The following CA5B variants were observed in gnomAD, a reference collection of about 807,000 sequenced individuals.
CA5B encodes carbonic anhydrase 5B.
In CA5B, 15 loss-of-function variants were observed where a neutral mutation model predicts 23.1. The ratio of observed to expected loss-of-function variants is 0.65; its 90% CI spans 0.43 to 1.00. The LOEUF (loss-of-function observed/expected upper bound fraction) is 1.00, where lower values mean the gene tolerates loss of function less well. Among genes scored for constraint, CA5B ranks in the 50% least tolerant of loss-of-function variants. The pLI is 0.00. For synonymous variants in CA5B, 84 were observed against 98.5 expected, an observed-to-expected ratio of 0.85 and a Z score of 0.87; for missense variants, 236 against 252.2, an observed-to-expected ratio of 0.94 and a Z score of 0.43.
intron 4 of CA5B, among the ~76,000 whole-genome samples, chrX:15,773,097 A>T (rs1343758160): frequency 8.9e-6 from 1 of 111,788 alleles, no homozygotes; most frequent in Non-Finnish European, 1.9e-5. Flanking sequence ...AGGCTGGGTG[A>T]TAATGCACTC....
intron 3 of CA5B, chrX:15,765,303 C>A: frequency 2.6e-6 from 1 of 389,769 alleles, no homozygotes; most frequent in Non-Finnish European, 3.3e-6. Flanking sequence ...AACAGTGTTA[C>A]CTACCTAGTT....
At chrX:15,767,897 C>CTTTTT (rs59290756) in intron 3 of CA5B, among the ~76,000 whole-genome samples, 2 of 52,259 alleles carry the variant, frequency 3.8e-5, no homozygotes, top group African/African-American at 8.7e-5. Flanking sequence ...TGCACCTGGC[C>CTTTTT]TTTTTTTTTT....
rs1250355389 is a variant in CA5B, at chrX:15,785,534, G to A, written c.*2870G>A. On this transcript the variant is annotated 3_prime_UTR_variant, in exon 8 of 8. Coordinates refer to ENST00000318636, the MANE Select transcript of CA5B (RefSeq NM_007220.4). ...AACGGTTGGGGGAAGGGGAGAGGGTGAATTTGTATTTAGTGGGTACAGAGC... is the reference window on the plus strand; with the variant it reads ...AACGGTTGGGGGAAGGGGAGAGGGTAAATTTGTATTTAGTGGGTACAGAGC... The A allele has an allele frequency of 8.9e-6, 1 of 112,241 alleles. No individual in the cohort carries two copies. The highest frequency in any genetic ancestry group is 1.9e-5 in the Non-Finnish European group (1 of 53,268). The allele number at this position is 112,241 out of a possible 1,213,427, so 9.2% of individuals were successfully genotyped here.
intron 7 of CA5B, among the ~76,000 whole-genome samples, chrX:15,780,421 C>T (rs780570328): frequency 2.7e-5 from 3 of 109,918 alleles, no homozygotes; most frequent in East Asian, 2.9e-4. Flanking sequence ...TACAGGCGCC[C>T]GCCACCACGC....
chrX:15,745,723 C>T (rs1931216767), intron 1 of CA5B: 1 of 111,303 alleles, frequency 9.0e-6, no homozygotes, highest in South Asian at 3.7e-4. Context: ...AAGCTTTCCC[C>T]ATATCTTTTA....
intron 3 of CA5B, among the ~76,000 whole-genome samples, chrX:15,765,980 A>G (rs776888223): frequency 3.6e-4 from 39 of 108,711 alleles, no homozygotes; most frequent in Admixed American, 3.3e-3. Context: ...AACATGGTGA[A>G]ACCCCATCTT....
At chrX:15,774,448 GAT>G (rs1209788330) in intron 5 of CA5B, 51 bp downstream of exon 5, 1 of 942,321 alleles carries the variant, frequency 1.1e-6, no homozygotes, top group African/African-American at 1.9e-5. Context: ...AGGATGAAAA[GAT>G]AGAACAGTAT....
chrX:15,753,180 G>C (rs1218669713), intron 2 of CA5B, among the ~76,000 whole-genome samples: 10 of 112,172 alleles, frequency 8.9e-5, no homozygotes, highest in Non-Finnish European at 1.7e-4. Context: ...ACCCATATTT[G>C]GCTCAGAATA....
intron 2 of CA5B, among the ~76,000 whole-genome samples, chrX:15,752,288 G>A (rs149156075): frequency 2.7e-5 from 3 of 110,960 alleles, no homozygotes; most frequent in East Asian, 5.6e-4. Flanking sequence ...CCTATATATC[G>A]TGATTTACTT....
intron 2 of CA5B, among the ~76,000 whole-genome samples, chrX:15,758,068 T>C (rs192099631): frequency 8.1e-5 from 9 of 111,700 alleles, no homozygotes; most frequent in Middle Eastern, 4.6e-3. Flanking sequence ...ACTAGGCCGC[T>C]GTTCTGGGAA....
rs980011248 is a variant in CA5B, at chrX:15,787,243, A to G, written c.*4579A>G. On this transcript the variant is annotated 3_prime_UTR_variant, in exon 8 of 8. Transcript: ENST00000318636. Reference sequence around the variant, plus strand: ...AAACAGTTCCCTAAATCAAGATGTTACATTCCCTAGGAGGGACAACAACAA... The same window carrying G: ...AAACAGTTCCCTAAATCAAGATGTTGCATTCCCTAGGAGGGACAACAACAA... 1 of 112,278 alleles carries G rather than the reference A, an allele frequency of 8.9e-6. No individual in the cohort carries two copies. 9.3% of individuals were successfully genotyped at this position (112,278 alleles called of 1,213,427 possible).
chrX:15,757,365 A>T (rs1418135508), intron 2 of CA5B, among the ~76,000 whole-genome samples: 1 of 111,417 alleles, frequency 9.0e-6, no homozygotes, highest in Non-Finnish European at 1.9e-5. Flanking sequence ...AAAATAGAAA[A>T]ATTAGCTGGG....
chrX:15,766,546 G>A (rs1480254389), intron 3 of CA5B, among the ~76,000 whole-genome samples: 1 of 110,553 alleles, frequency 9.0e-6, no homozygotes, highest in African/African-American at 3.3e-5. Context: ...TTTTTGCGTT[G>A]TTATTTATTT....
chrX:15,771,863 C>CG (rs1931827726), intron 3 of CA5B, among the ~76,000 whole-genome samples: 1 of 108,257 alleles, frequency 9.2e-6, no homozygotes, highest in African/African-American at 3.5e-5. Context: ...ACATGCTTAC[C>CG]ATTTTTTTTT....
chrX:15,777,733 C>T (rs1931957441), intron 7 of CA5B, among the ~76,000 whole-genome samples: 1 of 111,472 alleles, frequency 9.0e-6, no homozygotes, highest in African/African-American at 3.3e-5. Flanking sequence ...TTATCATTTC[C>T]AGGGAAGTTA....
intron 1 of CA5B, among the ~76,000 whole-genome samples, chrX:15,748,782 C>T (rs1444171624): frequency 1.0e-5 from 1 of 99,988 alleles, no homozygotes; most frequent in Non-Finnish European, 2.0e-5. Flanking sequence ...GGCACAGTGG[C>T]TCACACCTGT....
intron 3 of CA5B, among the ~76,000 whole-genome samples, chrX:15,769,875 T>A (rs1023745187): frequency 8.9e-6 from 1 of 112,268 alleles, no homozygotes; most frequent in Non-Finnish European, 1.9e-5. Flanking sequence ...CTCTGTCAGC[T>A]CCTTCTCTTT....
chrX:15,776,595 G>GA (rs1366444123), intron 6 of CA5B, 119 bp from the exon 7 acceptor site: 1 of 523,478 alleles, frequency 1.9e-6, no homozygotes, highest in Non-Finnish European at 3.3e-6. Context: ...GAAAGGCCTG[G>GA]AGCTGCTCTG....
chrX:15,758,784 A>C (rs1373695840), intron 2 of CA5B, among the ~76,000 whole-genome samples: 1 of 111,903 alleles, frequency 8.9e-6, no homozygotes, highest in African/African-American at 3.3e-5. Context: ...TTGGGATTAC[A>C]GGTGCAAGCC....
Sources: allele counts gnomAD v4.1 joint callset (sites outside exome capture counted in the v4.1 genomes callset), GRCh38; gene constraint gnomAD v4.1.1; transcripts MANE v1.5; gene names NCBI Gene and HGNC (gene_info 2026-07-23, HGNC 2026-07-21).